Variants in GRM4 observed in about 807,000 individuals in gnomAD.
The protein encoded by GRM4 is glutamate metabotropic receptor 4, also known as metabotropic glutamate receptor 4.
GRM4 carries 28 observed loss-of-function variants against 81.7 expected under a neutral mutation model. The observed-to-expected ratio is 0.34, with a 90% CI of 0.25 to 0.47. The LOEUF is 0.47. GRM4 is among the 20% of genes least tolerant of loss of function. GRM4 has a pLI of 1.00. For missense variants in GRM4, 948 were observed against 1,290.0 expected (o/e 0.73, Z 4.06); for synonymous variants, 488 against 528.8 (o/e 0.92, Z 1.06).
At chr6:34,102,862 G>A (rs1374144704) in intron 2 of GRM4, among the ~76,000 whole-genome samples, 1 of 152,230 alleles carries the variant, frequency 6.6e-6, no homozygotes, top group Non-Finnish European at 1.5e-5. Flanking sequence ...CAAAGCCTCA[G>A]GGCCTTGCCA....
chr6:34,035,677 C>T lies in GRM4; in HGVS notation c.2433G>A (p.Ser811=), dbSNP rs771843309. ...FIPIFFGTSQ[S]ADKLYIQTTT... ...GGCCCCCACCACTCACCTTGTCGGC[C>T]GACTGCGAGGTGCCAAAGAAGATGG... The change falls in exon 9 of 11, where the codon TCG becomes TCA. Residue 811 remains serine, a synonymous_variant. Coordinates refer to ENST00000538487, the MANE Select transcript of GRM4 (RefSeq NM_000841.4). The surrounding 1 kb of genome is among the most constrained non-coding windows in gnomAD (Gnocchi z 6.6). 6 of 1,572,296 alleles carry T rather than the reference C, an allele frequency of 3.8e-6. No individual in the cohort carries two copies. The highest frequency in any genetic ancestry group is 2.8e-5 in the African/African-American group (2 of 72,608).
In GRM4 at chr6:34,090,996, C is replaced by CA. The variant is rs1768174766; in HGVS notation, c.736+886dup. ...AACAGGGCCCCGAGGAAGTCACAGG[C>CA]ACCATCCTTCAGCCCCACAGCCCCC... On this transcript the variant is annotated intron_variant, in intron 3 of 10. Coordinates refer to ENST00000538487, the MANE Select transcript of GRM4 (RefSeq NM_000841.4). This position sits in a 1 kb window ranked among gnomAD's most constrained non-coding sequence, Gnocchi z 5.2. 6.6e-6 allele frequency among the ~76,000 whole-genome samples: 1 copy of CA among 152,052 alleles called. No individual in the cohort carries two copies. Among genetic ancestry groups the CA allele is most frequent in the Non-Finnish European group, 1.5e-5 (1 of 67,990 alleles).
intron 6 of GRM4, 90 bp downstream of exon 6, chr6:34,056,454 A>C: frequency 8.3e-7 from 1 of 1,210,538 alleles, no homozygotes; most frequent in Non-Finnish European, 1.2e-6. Flanking sequence ...GACGACAGAC[A>C]AAGGGAGACT....
At chr6:34,087,701 C>A (rs1767975818) in intron 3 of GRM4, among the ~76,000 whole-genome samples, 1 of 85,054 alleles carries the variant, frequency 1.2e-5, no homozygotes, top group Non-Finnish European at 2.0e-5. Context: ...CACACACAAC[C>A]CCCCCCCCAC....
intron 2 of GRM4, among the ~76,000 whole-genome samples, chr6:34,102,552 C>T (rs549555549): frequency 6.6e-6 from 1 of 152,338 alleles, no homozygotes; most frequent in South Asian, 2.1e-4. Flanking sequence ...TCAGGCAGGC[C>T]TTCCCTGACC....
chr6:34,075,259 C>T (rs920785744), intron 3 of GRM4, among the ~76,000 whole-genome samples: 5 of 152,196 alleles, frequency 3.3e-5, no homozygotes, highest in Admixed American at 3.3e-4. Flanking sequence ...TTTCTTCCCA[C>T]CTTCCCCAAC....
At position 34,117,817 on chromosome 6, in the gene GRM4, C is replaced by A. The variant is rs143251542; in HGVS notation, c.519+15161G>T. 2.3e-3 allele frequency among the ~76,000 whole-genome samples: 348 copies of A among 152,334 alleles called. 1 individual carries two copies. The highest frequency in any genetic ancestry group is 0.02 in the Middle Eastern group (6 of 294). The stretch of plus-strand genomic sequence containing the variant: ...TCACCACCCAGCACCCAAGGCTGCA[C>A]TGTCGCATCTCCTCATGGAGAGAGG... On this transcript the variant is annotated intron_variant, in intron 2 of 10. Transcript: ENST00000538487.
At chr6:34,096,786 G>A (rs1318720895) in intron 2 of GRM4, among the ~76,000 whole-genome samples, 1 of 152,236 alleles carries the variant, frequency 6.6e-6, no homozygotes, top group Non-Finnish European at 1.5e-5. Flanking sequence ...AAGGATGCAT[G>A]AATAAACCTC....
At chr6:34,027,298 G>A (rs968150038) in intron 10 of GRM4, among the ~76,000 whole-genome samples, 1 of 152,116 alleles carries the variant, frequency 6.6e-6, no homozygotes, top group African/African-American at 2.4e-5. Context: ...CGAGGAAGAG[G>A]GAAGTTGGCA....
rs917573946 is a variant in GRM4 at position 34,034,701 on chromosome 6, G to A, written c.2442+967C>T. Among the ~76,000 whole-genome samples the A allele has an allele frequency of 6.6e-6, 1 of 152,240 alleles. No homozygotes were observed. Among genetic ancestry groups the A allele is most frequent in the Non-Finnish European group, 1.5e-5 (1 of 68,048 alleles). ...GATTGTGACAATACCTGGAAAGACTGCAGGGAAAGGGACATGGTCCCAATT... is the reference window on the plus strand; with the variant it reads ...GATTGTGACAATACCTGGAAAGACTACAGGGAAAGGGACATGGTCCCAATT... On this transcript the variant is annotated intron_variant, in intron 9 of 10. Coordinates refer to ENST00000538487, the MANE Select transcript of GRM4 (RefSeq NM_000841.4). This position sits in a 1 kb window ranked among gnomAD's most constrained non-coding sequence, Gnocchi z 4.0.
chr6:34,144,524 C>T (rs973638946), intron 1 of GRM4, among the ~76,000 whole-genome samples: 1 of 152,230 alleles, frequency 6.6e-6, no homozygotes, highest in Non-Finnish European at 1.5e-5. Flanking sequence ...ACCCTAGAGA[C>T]CCCCACAACC....
At chr6:34,123,791 C>T (rs940224459) in intron 2 of GRM4, among the ~76,000 whole-genome samples, 1 of 152,222 alleles carries the variant, frequency 6.6e-6, no homozygotes, top group Non-Finnish European at 1.5e-5. Context: ...GAACCCAGGC[C>T]AGCTGGCCCC....
Position 34,036,328 on chromosome 6 carries a change from C to T in GRM4, c.1782G>A (p.Leu594=). 1 of 1,614,032 alleles carries T rather than the reference C, an allele frequency of 6.2e-7. No individual in the cohort carries two copies. The highest frequency in any genetic ancestry group is 8.5e-7 in the Non-Finnish European group (1 of 1,180,004). The change falls in exon 9 of 11, where the codon CTG becomes CTA. Residue 594 remains leucine (L), a synonymous_variant. Coordinates refer to ENST00000538487, the MANE Select transcript of GRM4 (RefSeq NM_000841.4). The surrounding 1 kb of genome is among the most constrained non-coding windows in gnomAD (Gnocchi z 9.0). ...ACGTGGCAGCGATGCCCACCACGGC[C>T]AGGAAGAGGGGCAGCACGGCCCAGG... ...GSPWAVLPLF[L]AVVGIAATLF...
rs1281232857 is a variant in GRM4 at position 34,078,602 on chromosome 6, T to A, written c.736+13281A>T. 2.6e-5 allele frequency among the ~76,000 whole-genome samples: 4 copies of A among 152,104 alleles called. No individual in the cohort carries two copies. Among genetic ancestry groups the A allele is most frequent in the African/African-American group, 9.7e-5 (4 of 41,394 alleles). ...CTCAGCCTGTTTCCTACCTGTGAAA[T>A]GGGGTGGGCATGGAGGCTCAGGGAG... On this transcript the variant is annotated intron_variant, in intron 3 of 10. Coordinates refer to ENST00000538487, the MANE Select transcript of GRM4 (RefSeq NM_000841.4). This position sits in a 1 kb window ranked among gnomAD's most constrained non-coding sequence, Gnocchi z 4.8.
At chr6:34,154,613 A>ACC (rs1771109617) in intron 1 of GRM4, among the ~76,000 whole-genome samples, 1 of 151,892 alleles carries the variant, frequency 6.6e-6, no homozygotes, top group South Asian at 2.1e-4. Flanking sequence ...ACACACACAC[A>ACC]CACACACACA....
Position 34,078,229 on chromosome 6 carries a change from C to T in GRM4, c.736+13654G>A, listed in dbSNP as rs527711059. On this transcript the variant is annotated intron_variant, in intron 3 of 10. Coordinates refer to ENST00000538487, the MANE Select transcript of GRM4 (RefSeq NM_000841.4). The surrounding 1 kb of genome is among the most constrained non-coding windows in gnomAD (Gnocchi z 4.8). ...CCCATCTCCAGCTCCTGTTCCTCTG[C>T]GCTTCCTGTCTTCCCCTACTCTCTC... 2.6e-5 allele frequency among the ~76,000 whole-genome samples: 4 copies of T among 152,242 alleles called. No homozygotes were observed. The highest frequency in any genetic ancestry group is 6.5e-5 in the Admixed American group (1 of 15,300).
In GRM4 at chr6:34,089,627, G is replaced by A. The variant is rs1038941734; in HGVS notation, c.736+2256C>T. Among the ~76,000 whole-genome samples the A allele has an allele frequency of 1.4e-4, 21 of 152,236 alleles. No homozygotes were observed. The highest frequency in any genetic ancestry group is 5.1e-4 in the African/African-American group (21 of 41,552). On this transcript the variant is annotated intron_variant, in intron 3 of 10. Coordinates refer to ENST00000538487, the MANE Select transcript of GRM4 (RefSeq NM_000841.4). The surrounding 1 kb of genome is among the most constrained non-coding windows in gnomAD (Gnocchi z 4.3). ...GAGGGGCGCCTCTGCCAGGACAGGA[G>A]TGCCCCGAGCTGGAGGCCCTTGCAT...
At chr6:34,075,123 T>G (rs2127474278) in intron 3 of GRM4, among the ~76,000 whole-genome samples, 1 of 151,934 alleles carries the variant, frequency 6.6e-6, no homozygotes, top group Non-Finnish European at 1.5e-5. Context: ...AGTGGGGCTG[T>G]GGCGAGCAGG....
At chr6:34,103,490 G>A in intron 2 of GRM4, 1 of 989,680 alleles carries the variant, frequency 1.0e-6, no homozygotes, top group Non-Finnish European at 1.5e-6. Context: ...AGAGCAGGCG[G>A]GGGCGGCGGG....
Sources: allele counts gnomAD v4.1 joint callset (sites outside exome capture counted in the v4.1 genomes callset), GRCh38; gene constraint gnomAD v4.1.1; non-coding constraint Gnocchi (gnomAD v3.1); transcripts MANE v1.5; gene names NCBI Gene and HGNC (gene_info 2026-07-23, HGNC 2026-07-21).